Variants in IGDCC4 observed in about 807,000 individuals in gnomAD.
IGDCC4 encodes the protein likely ortholog of mouse neighbor of Punc E11.
IGDCC4 carries 72 observed loss-of-function variants against 116.6 expected under a neutral mutation model. That is an observed-to-expected ratio of 0.62 (90% CI 0.51 to 0.75). The LOEUF (loss-of-function observed/expected upper bound fraction) is 0.75, where lower values mean the gene tolerates loss of function less well. Among genes scored for constraint, IGDCC4 ranks in the 30% least tolerant of loss-of-function variants. IGDCC4 has a pLI of 0.00. For missense variants in IGDCC4, 1,501 were observed against 1,662.4 expected (o/e 0.90, Z 1.69); for synonymous variants, 709 against 719.9 (o/e 0.98, Z 0.24).
intron 1 of IGDCC4, among the ~76,000 whole-genome samples, chr15:65,418,229 T>G (rs1428666821): frequency 6.6e-6 from 1 of 152,158 alleles, no homozygotes; most frequent in Admixed American, 6.5e-5. Context: ...AAAGCAGAGA[T>G]AGAACAGCTG....
chr15:65,385,590 TG>T, intron 18 of IGDCC4: 1 of 609,520 alleles, frequency 1.6e-6, no homozygotes. Flanking sequence ...CTGGCTACCC[TG>T]GGTCACCTGC....
chr15:65,407,237 G>A (rs2063048377), intron 3 of IGDCC4, among the ~76,000 whole-genome samples: 1 of 149,900 alleles, frequency 6.7e-6, no homozygotes, highest in South Asian at 2.1e-4. Context: ...TGTTTATCAA[G>A]TGGTAAGTGA....
At chr15:65,403,428 T>C (rs1286982627) in intron 3 of IGDCC4, among the ~76,000 whole-genome samples, 1 of 152,174 alleles carries the variant, frequency 6.6e-6, no homozygotes, top group Non-Finnish European at 1.5e-5. Context: ...TTATATATCC[T>C]TGTATACAGT....
intron 16 of IGDCC4, among the ~76,000 whole-genome samples, chr15:65,387,711 G>A (rs1267132775): frequency 6.6e-6 from 1 of 151,922 alleles, no homozygotes; most frequent in East Asian, 1.9e-4. Context: ...ACTGGGCCCT[G>A]GAAATTACGT....
chr15:65,402,162 G>A (rs907554823), intron 4 of IGDCC4, among the ~76,000 whole-genome samples, 189 bp downstream of exon 4: 1 of 152,242 alleles, frequency 6.6e-6, no homozygotes, highest in Non-Finnish European at 1.5e-5. Context: ...TTGTGTTCCA[G>A]CCCAGTTCTT....
chr15:65,405,251 G>C (rs945565044), intron 3 of IGDCC4, among the ~76,000 whole-genome samples: 13 of 151,094 alleles, frequency 8.6e-5, no homozygotes, highest in African/African-American at 2.4e-4. Context: ...TGGTTTATGG[G>C]GGTTTTCTGT....
chr15:65,391,955 G>C lies in IGDCC4; in HGVS notation c.2149C>G (p.Leu717Val), dbSNP rs777454007. The change falls in exon 12 of 20, where the codon CTC becomes GTC. Residue 717 changes from leucine to valine, a missense_variant. By Grantham distance (32) the Leu-to-Val change is conservative. Coordinates refer to ENST00000352385, the MANE Select transcript of IGDCC4 (RefSeq NM_020962.3). Reference sequence around the variant, plus strand: ...TCCTCATGTTTGTTGAAAGCCACGAGCTTCACCTCGTACAGCCGGCCAGGG... The same window carrying C: ...TCCTCATGTTTGTTGAAAGCCACGACCTTCACCTCGTACAGCCGGCCAGGG... ...LVPGRLYEVK[L>V]VAFNKHEDGY... The C allele has an allele frequency of 3.1e-6, 5 of 1,612,848 alleles. No individual in the cohort carries two copies. Among genetic ancestry groups the C allele is most frequent in the Non-Finnish European group, 4.2e-6 (5 of 1,179,536 alleles).
intron 1 of IGDCC4, among the ~76,000 whole-genome samples, chr15:65,422,255 C>A (rs2063199448): frequency 6.6e-6 from 1 of 152,080 alleles, no homozygotes; most frequent in Admixed American, 6.6e-5. Context: ...ATCGCTCTGT[C>A]CCCCACTATG....
At position 65,422,785 on chromosome 15, in the gene IGDCC4, G is replaced by T; in HGVS notation, c.70+8C>A. ...GTCGCTCCTGCCTCTCCGGGCGCCC[G>T]CCCTTACCGCGCGCGGCCAACAGGC... is the stretch of plus-strand genomic sequence containing the variant. On this transcript the variant is annotated splice_region_variant and intron_variant, in intron 1 of 19. Coordinates refer to ENST00000352385, the MANE Select transcript of IGDCC4 (RefSeq NM_020962.3). The T allele has an allele frequency of 7.5e-7, 1 of 1,325,220 alleles. No individual in the cohort carries two copies. The highest frequency in any genetic ancestry group is 9.6e-7 in the Non-Finnish European group (1 of 1,038,002). The allele number at this position is 1,325,220 out of a possible 1,614,324, so 82.1% of individuals were successfully genotyped here. A position where few individuals can be genotyped will look rare whatever the true frequency, so the allele number is the denominator to read the frequency against.
At position 65,389,909 on chromosome 15, in the gene IGDCC4, G is replaced by A. The variant is rs543087330; in HGVS notation, c.2408+246C>T. Among the ~76,000 whole-genome samples the A allele has an allele frequency of 4.6e-5, 7 of 152,234 alleles. No homozygotes were observed. In the South Asian group the frequency reaches 6.2e-4, roughly 14 times the overall value. On this transcript the variant is annotated intron_variant, in intron 13 of 19. Coordinates refer to ENST00000352385, the MANE Select transcript of IGDCC4 (RefSeq NM_020962.3). ...AGGTCTGTCCTGTGTCACATTCTCC[G>A]GAGTTTGAGAACAAGGCTCTGTTGT...
At position 65,384,167 on chromosome 15, in the gene IGDCC4, A is replaced by T. The variant is rs2091429309; in HGVS notation, c.3595T>A (p.Cys1199Ser). The change falls in exon 20 of 20, where the codon TGC becomes AGC. Residue 1199 changes from cysteine (C) to serine (S), a missense_variant. Cys to Ser is a moderately radical substitution (Grantham distance 112). This residue lies in a region of IGDCC4 where 368 missense variants were observed against 355.6 expected (regional missense o/e 1.03). Transcript: ENST00000352385. The surrounding 1 kb of genome is among the most constrained non-coding windows in gnomAD (Gnocchi z 4.9). ...LAAPGPDRLT[C>S]LPEAASASCS... is the part of the protein sequence containing the mutation. Reference sequence around the variant, plus strand: ...GAAGCACTGGCTGCCTCTGGCAAGCAGGTAAGTCTGTCTGGCCCGGGGGCT... The same window carrying T: ...GAAGCACTGGCTGCCTCTGGCAAGCTGGTAAGTCTGTCTGGCCCGGGGGCT... The T allele has an allele frequency of 6.2e-7, 1 of 1,613,474 alleles. No individual in the cohort carries two copies. Among genetic ancestry groups the T allele is most frequent in the Admixed American group, 1.7e-5 (1 of 59,970 alleles).
chr15:65,387,096 G>C (rs1374795837), intron 16 of IGDCC4, among the ~76,000 whole-genome samples: 1 of 152,016 alleles, frequency 6.6e-6, no homozygotes, highest in South Asian at 2.1e-4. Context: ...GCATGAACAC[G>C]GCTCGCTGTA....
intron 2 of IGDCC4, 36 bp downstream of exon 2, chr15:65,410,984 T>G: frequency 2.6e-6 from 4 of 1,543,000 alleles, no homozygotes; most frequent in Non-Finnish European, 3.5e-6. Context: ...AAGTCTGGGT[T>G]TCAGCCTCAG....
Position 65,383,913 on chromosome 15 carries a change from G to T in IGDCC4, c.*96C>A. 8.4e-7 allele frequency: 1 copy of T among 1,193,542 alleles called. No individual in the cohort carries two copies. The highest frequency in any genetic ancestry group is 1.1e-6 in the Non-Finnish European group (1 of 877,104). The allele number at this position is 1,193,542 out of a possible 1,614,324, so 73.9% of individuals were successfully genotyped here. On this transcript the variant is annotated 3_prime_UTR_variant, in exon 20 of 20. Coordinates refer to ENST00000352385, the MANE Select transcript of IGDCC4 (RefSeq NM_020962.3). Reference sequence around the variant, plus strand: ...AGGAAGCTCCAAAGGGCTTGATGATGTATCTACAGGCACACATGTGGACAT... The same window carrying T: ...AGGAAGCTCCAAAGGGCTTGATGATTTATCTACAGGCACACATGTGGACAT...
In IGDCC4 at chr15:65,392,120, C is replaced by T; in HGVS notation, c.2122+14G>A. 6.4e-7 allele frequency: 1 copy of T among 1,566,594 alleles called. No homozygotes were observed. Among genetic ancestry groups the T allele is most frequent in the Non-Finnish European group, 8.7e-7 (1 of 1,148,908 alleles). ...GCTACATCCCTCCCTCCCCCTCCCC[C>T]CAGCCCTCCTCACCTAGCTGGGTCA... On this transcript the variant is annotated intron_variant, in intron 11 of 19. Coordinates refer to ENST00000352385, the MANE Select transcript of IGDCC4 (RefSeq NM_020962.3).
chr15:65,413,830 A>ACCCTCGGTT (rs1047177092), intron 1 of IGDCC4, among the ~76,000 whole-genome samples: 1 of 151,910 alleles, frequency 6.6e-6, no homozygotes, highest in African/African-American at 2.4e-5. Context: ...GAATCAGGAG[A>ACCCTCGGTT]CCCTCGGTTC....
At chr15:65,399,516 G>A (rs1006441655) in intron 5 of IGDCC4, among the ~76,000 whole-genome samples, 9 of 150,212 alleles carry the variant, frequency 6.0e-5, no homozygotes, top group Non-Finnish European at 8.9e-5. Flanking sequence ...GGAGTCTGCA[G>A]TTTTAATAAG....
At chr15:65,388,650 C>T in intron 15 of IGDCC4, 64 bp from the exon 16 acceptor site, 1 of 1,607,160 alleles carries the variant, frequency 6.2e-7, no homozygotes, top group Non-Finnish European at 8.5e-7. Flanking sequence ...CAGAGGTGGG[C>T]AGGGAGGGGA....
At chr15:65,415,861 T>C (rs955793035) in intron 1 of IGDCC4, among the ~76,000 whole-genome samples, 11 of 152,126 alleles carry the variant, frequency 7.2e-5, no homozygotes, top group African/African-American at 2.7e-4. Context: ...GTAAAGTTTT[T>C]CCTAAGTCTC....
Sources: allele counts gnomAD v4.1 joint callset (sites outside exome capture counted in the v4.1 genomes callset), GRCh38; gene constraint gnomAD v4.1.1; regional missense constraint gnomAD v4.1.1; non-coding constraint Gnocchi (gnomAD v3.1); transcripts MANE v1.5; gene names NCBI Gene and HGNC (gene_info 2026-07-23, HGNC 2026-07-21).